The following SEMA5B variants were observed in gnomAD, a reference collection of about 807,000 sequenced individuals.
The protein encoded by SEMA5B is semaphorin-5B.
A neutral mutation model predicts 135.0 loss-of-function variants in SEMA5B; 66 were observed. That is an observed-to-expected ratio of 0.49 (90% CI 0.40 to 0.60). The LOEUF (loss-of-function observed/expected upper bound fraction) is 0.60. Ranked by LOEUF, SEMA5B falls within the 20% of genes least tolerant of loss-of-function variation. The pLI is 0.00. For missense variants in SEMA5B, 1,501 were observed against 1,566.3 expected (o/e 0.96, Z 0.70); for synonymous variants, 690 against 639.5 (o/e 1.08, Z -1.19).
chr3:123,004,414 C>T (rs1576404000), intron 1 of SEMA5B, among the ~76,000 whole-genome samples: 1 of 152,330 alleles, frequency 6.6e-6, no homozygotes, highest in East Asian at 1.9e-4. Context: ...CCCACTGAAT[C>T]AGAGCCCAGT....
chr3:122,994,323 CTGT>C (rs1941971297), intron 1 of SEMA5B, among the ~76,000 whole-genome samples: 1 of 152,234 alleles, frequency 6.6e-6, no homozygotes, highest in Non-Finnish European at 1.5e-5. Flanking sequence ...GAACACCTCT[CTGT>C]TTCATATCTT....
chr3:122,926,705 C>T (rs755624365), intron 8 of SEMA5B, 28 bp from the exon 9 acceptor site: 1 of 1,600,960 alleles, frequency 6.2e-7, no homozygotes. Context: ...GAACAAGGGG[C>T]AGGGCAGGCC....
At position 122,912,944 on chromosome 3, in the gene SEMA5B, A is replaced by G. The variant is rs1396727131; in HGVS notation, c.2624T>C (p.Val875Ala). 6.2e-7 allele frequency: 1 copy of G among 1,612,706 alleles called. No homozygotes were observed. Among genetic ancestry groups the G allele is most frequent in the Non-Finnish European group, 8.5e-7 (1 of 1,179,494 alleles). Residue 875 changes from valine (V) to alanine (A), a missense_variant, in exon 18 of 23, where the codon GTC (valine) becomes GCC (alanine). By Grantham distance (64) the Val-to-Ala change is moderately conservative. This residue lies in a region of SEMA5B where 927 missense variants were observed against 881.6 expected (regional missense o/e 1.05). Transcript: ENST00000357599. The stretch of plus-strand genomic sequence containing the variant: ...CGGGTTAGTGCACGTTCTCTTGCGG[A>G]CGCGGAAGCCCAGCTCGCAGTCCCG... Reference protein sequence around the residue: ...CSRDCELGFRVRKRTCTNPEP... With the variant: ...CSRDCELGFRARKRTCTNPEP...
At chr3:123,010,380 G>A (rs1392127290) in intron 1 of SEMA5B, among the ~76,000 whole-genome samples, 3 of 152,196 alleles carry the variant, frequency 2.0e-5, no homozygotes, top group African/African-American at 4.8e-5. Context: ...CTTAGTAATT[G>A]TAAGAATTAA....
intron 1 of SEMA5B, among the ~76,000 whole-genome samples, chr3:122,994,274 G>A (rs1332401846): frequency 3.3e-5 from 5 of 152,066 alleles, no homozygotes; most frequent in Admixed American, 6.5e-5. Flanking sequence ...ACAGCCTCTC[G>A]TCTCTCCCTC....
intron 1 of SEMA5B, among the ~76,000 whole-genome samples, chr3:123,010,638 A>G (rs889107574): frequency 9.2e-5 from 14 of 151,864 alleles, no homozygotes; most frequent in Admixed American, 8.5e-4. Flanking sequence ...GTGAAACCCC[A>G]TCTCTACTAA....
intron 1 of SEMA5B, among the ~76,000 whole-genome samples, chr3:122,992,572 G>T (rs1394750672): frequency 6.6e-6 from 1 of 152,126 alleles, no homozygotes; most frequent in Non-Finnish European, 1.5e-5. Context: ...CCTGACTCCT[G>T]AGAAAAATAC....
At chr3:123,007,733 T>A (rs577621745) in intron 1 of SEMA5B, among the ~76,000 whole-genome samples, 1 of 152,334 alleles carries the variant, frequency 6.6e-6, no homozygotes, top group African/African-American at 2.4e-5. Context: ...AGGCCCTCAC[T>A]AGATGCAGTC....
At chr3:123,014,786 G>A (rs1454886949) in intron 1 of SEMA5B, among the ~76,000 whole-genome samples, 1 of 152,196 alleles carries the variant, frequency 6.6e-6, no homozygotes, top group Non-Finnish European at 1.5e-5. Context: ...GAAACAGGAG[G>A]TCAAAAAGCT....
At chr3:122,933,497 A>T (rs1939086353) in intron 5 of SEMA5B, among the ~76,000 whole-genome samples, 1 of 152,056 alleles carries the variant, frequency 6.6e-6, no homozygotes, top group Non-Finnish European at 1.5e-5. Flanking sequence ...TCTTCTCCTT[A>T]ATAACAGTGT....
intron 1 of SEMA5B, among the ~76,000 whole-genome samples, chr3:123,009,075 C>A (rs1942379827): frequency 6.6e-6 from 1 of 152,178 alleles, no homozygotes; most frequent in Non-Finnish European, 1.5e-5. Flanking sequence ...AAGACACGGA[C>A]CCGGTGGACC....
chr3:122,936,431 G>C (rs149334104), intron 5 of SEMA5B, among the ~76,000 whole-genome samples: 4 of 152,286 alleles, frequency 2.6e-5, no homozygotes, highest in Non-Finnish European at 4.4e-5. Flanking sequence ...AGATAAACTG[G>C]AAGAGAGCTC....
At chr3:122,976,066 T>C (rs1941309149) in intron 1 of SEMA5B, 3 of 1,535,260 alleles carry the variant, frequency 2.0e-6, no homozygotes, top group East Asian at 2.4e-5. Context: ...AGCTCATCTA[T>C]GAAGCTCCTT....
Position 122,909,781 on chromosome 3 carries a change from G to T in SEMA5B, c.*362C>A, listed in dbSNP as rs1453773833. On this transcript the variant is annotated 3_prime_UTR_variant, in exon 23 of 23. Transcript: ENST00000357599. ...CAGCTTGTGGGGGCCACAGGAAGTTGTCTCCAACCCAAACTTAAAAGCCTG... is the reference window on the plus strand; with the variant it reads ...CAGCTTGTGGGGGCCACAGGAAGTTTTCTCCAACCCAAACTTAAAAGCCTG... 5.5e-6 allele frequency: 1 copy of T among 183,362 alleles called. No individual in the cohort carries two copies. The highest frequency in any genetic ancestry group is 6.1e-5 in the Admixed American group (1 of 16,354). The allele number at this position is 183,362 out of a possible 1,614,324, so 11.4% of individuals were successfully genotyped here.
intron 1 of SEMA5B, among the ~76,000 whole-genome samples, chr3:122,971,742 G>A (rs1199475355): frequency 6.6e-6 from 1 of 152,376 alleles, no homozygotes; most frequent in East Asian, 1.9e-4. Flanking sequence ...CTTTCTGGAA[G>A]GCAGGTGCGG....
At position 123,024,625 on chromosome 3, in the gene SEMA5B, G is replaced by A. The variant is rs1201192060; in HGVS notation, c.-39+2839C>T. 3.3e-5 allele frequency among the ~76,000 whole-genome samples: 5 copies of A among 152,236 alleles called. No individual in the cohort carries two copies. In the East Asian group the frequency reaches 9.7e-4, roughly 29 times the overall value. On this transcript the variant is annotated intron_variant, in intron 1 of 22. Coordinates refer to ENST00000357599, the MANE Select transcript of SEMA5B (RefSeq NM_001031702.4). ...CCCTCAAGGAACTTATCATCTGACA[G>A]AAGAATCTTAATGGGCCCTGAGAAT...
chr3:123,005,722 G>A (rs1463630641), intron 1 of SEMA5B, among the ~76,000 whole-genome samples: 4 of 152,138 alleles, frequency 2.6e-5, no homozygotes, highest in African/African-American at 9.7e-5. Flanking sequence ...TGGCCTGAGG[G>A]GGTCATTTGA....
At position 122,989,811 on chromosome 3, in the gene SEMA5B, G is replaced by C. The variant is rs527914286; in HGVS notation, c.-38-28510C>G. ...CTTTTCAGAGAAAATTGGTTCCCTGGGGGAGTAAAGGTCAGAAAAAGAGGA... is the reference window on the plus strand; with the variant it reads ...CTTTTCAGAGAAAATTGGTTCCCTGCGGGAGTAAAGGTCAGAAAAAGAGGA... On this transcript the variant is annotated intron_variant, in intron 1 of 22. Transcript: ENST00000357599. 2.2e-4 allele frequency among the ~76,000 whole-genome samples: 34 copies of C among 152,276 alleles called. 1 individual carries two copies. The South Asian group carries it at 7.0e-3, about 32-fold the overall frequency.
intron 1 of SEMA5B, among the ~76,000 whole-genome samples, chr3:122,967,193 G>A (rs1292495499): frequency 6.6e-6 from 1 of 152,060 alleles, no homozygotes; most frequent in Non-Finnish European, 1.5e-5. Context: ...CCTTAAGAAT[G>A]TTTATTATAA....
Sources: allele counts gnomAD v4.1 joint callset (sites outside exome capture counted in the v4.1 genomes callset), GRCh38; gene constraint gnomAD v4.1.1; regional missense constraint gnomAD v4.1.1; transcripts MANE v1.5; gene names NCBI Gene and HGNC (gene_info 2026-07-23, HGNC 2026-07-21).